Variants in GPRASP3 observed in about 807,000 individuals in gnomAD.
GPRASP3 encodes G protein-coupled receptor associated sorting protein family member 3.
At chrX:102,726,337 G>A in the GPRASP3 span, among the ~76,000 whole-genome samples, 1 of 112,505 alleles carries the variant, frequency 8.9e-6, no homozygotes. Flanking sequence ...ATCAATAAAA[G>A]CATCCATGAT....
At chrX:102,728,165 A>T in the GPRASP3 span, among the ~76,000 whole-genome samples, 1 of 112,057 alleles carries the variant, frequency 8.9e-6, no homozygotes, top group East Asian at 2.8e-4. Flanking sequence ...CTCTCCTAGC[A>T]TTAAGTTACA....
chrX:102,748,284 A>G, the GPRASP3 span, among the ~76,000 whole-genome samples: 1 of 112,091 alleles, frequency 8.9e-6, no homozygotes, highest in African/African-American at 3.2e-5. Context: ...TGAGTTAACT[A>G]TAGGGCATAT....
chrX:102,731,378 C>T, the GPRASP3 span, among the ~76,000 whole-genome samples: 2 of 112,322 alleles, frequency 1.8e-5, no homozygotes, highest in South Asian at 7.4e-4. Flanking sequence ...AATCCCAGCA[C>T]TTTGGGAGGC....
At chrX:102,750,190 C>T in the GPRASP3 span, 75 of 1,203,388 alleles carry the variant, frequency 6.2e-5, no homozygotes, top group African/African-American at 8.8e-5. Flanking sequence ...TGAAAGACAA[C>T]GCAAAATTGA....
At chrX:102,751,888 C>T in the GPRASP3 span, 1 of 120,740 alleles carries the variant, frequency 8.3e-6, no homozygotes, top group Non-Finnish European at 1.9e-5. Flanking sequence ...GAGCTGAAAT[C>T]ATTTTATACC....
chrX:102,736,395 A>G, the GPRASP3 span, among the ~76,000 whole-genome samples: 5 of 112,051 alleles, frequency 4.5e-5, no homozygotes, highest in East Asian at 1.4e-3. Flanking sequence ...AATACATAGA[A>G]GATTCAGTAG....
At chrX:102,724,194 G>C in the GPRASP3 span, among the ~76,000 whole-genome samples, 1 of 111,670 alleles carries the variant, frequency 9.0e-6, no homozygotes, top group Admixed American at 9.5e-5. Context: ...AGTGGGGGCA[G>C]TATTGTTGGT....
chrX:102,743,723 G>C, the GPRASP3 span, among the ~76,000 whole-genome samples: 1 of 108,350 alleles, frequency 9.2e-6, no homozygotes, highest in Non-Finnish European at 1.9e-5. Flanking sequence ...GGGTGGCTAG[G>C]CAATGGGTAC....
the GPRASP3 span, among the ~76,000 whole-genome samples, chrX:102,725,289 T>C: frequency 8.9e-6 from 1 of 111,995 alleles, no homozygotes; most frequent in South Asian, 3.7e-4. Context: ...TCTGTTGTTT[T>C]CCCAACTGTA....
chrX:102,734,633 TAATA>T, the GPRASP3 span, among the ~76,000 whole-genome samples: 1 of 110,509 alleles, frequency 9.0e-6, no homozygotes, highest in Non-Finnish European at 1.9e-5. Context: ...ATAATAATAA[TAATA>T]AAAAAATAAC....
the GPRASP3 span, among the ~76,000 whole-genome samples, chrX:102,740,422 T>A: frequency 8.9e-6 from 1 of 112,180 alleles, no homozygotes; most frequent in African/African-American, 3.2e-5. Flanking sequence ...CTTCCACTAG[T>A]CTGCAAGAAC....
At chrX:102,734,767 A>G in the GPRASP3 span, among the ~76,000 whole-genome samples, 1 of 112,280 alleles carries the variant, frequency 8.9e-6, no homozygotes, top group Non-Finnish European at 1.9e-5. Context: ...CTAATTATTA[A>G]TAATACCCAC....
At chrX:102,748,118 T>A in the GPRASP3 span, among the ~76,000 whole-genome samples, 2 of 111,606 alleles carry the variant, frequency 1.8e-5, no homozygotes, top group Admixed American at 1.9e-4. Context: ...AATGGGAAGA[T>A]AAGCCACAAG....
chrX:102,735,792 C>CT, the GPRASP3 span, among the ~76,000 whole-genome samples: 1 of 112,633 alleles, frequency 8.9e-6, no homozygotes, highest in Admixed American at 9.4e-5. Flanking sequence ...TAAAATAATC[C>CT]TTTAACCCTC....
the GPRASP3 span, chrX:102,749,389 A>G: frequency 0.019 from 22,883 of 1,210,386 alleles, 167 homozygotes; most frequent in Non-Finnish European, 0.023. Flanking sequence ...GGCTGGTAAT[A>G]GTTTCAGCAC....
the GPRASP3 span, chrX:102,753,436 A>AGC: frequency 8.1e-6 from 1 of 123,371 alleles, no homozygotes; most frequent in Non-Finnish European, 1.9e-5. Context: ...AGCAGCTATG[A>AGC]GCATTTGTGT....
the GPRASP3 span, among the ~76,000 whole-genome samples, chrX:102,722,986 G>A: frequency 6.3e-5 from 7 of 111,215 alleles, no homozygotes; most frequent in Admixed American, 1.9e-4. Flanking sequence ...AATAGATTTG[G>A]AATGTCCTCA....
the GPRASP3 span, chrX:102,749,210 A>T: frequency 8.3e-7 from 1 of 1,211,859 alleles, no homozygotes; most frequent in East Asian, 3.0e-5. Flanking sequence ...GAGACGAAGG[A>T]AGGAGCTCTG....
the GPRASP3 span, chrX:102,752,739 A>G: frequency 3.3e-5 from 4 of 122,657 alleles, no homozygotes; most frequent in Non-Finnish European, 7.5e-5. Context: ...CCATAACCAC[A>G]ATCAAAATTG....
Sources: gnomAD v4.1 joint callset for allele counts (sites outside exome capture counted in the v4.1 genomes callset) on GRCh38, gnomAD v4.1.1 for gene constraint, MANE v1.5 for transcripts, NCBI Gene and HGNC (gene_info 2026-07-23, HGNC 2026-07-21) for gene names.